The following ZFHX3 variants were observed in gnomAD, a reference collection of about 807,000 sequenced individuals.
The protein encoded by ZFHX3 is zinc finger homeobox 3.
ZFHX3 carries 42 observed loss-of-function variants against 279.1 expected under a neutral mutation model. That is an observed-to-expected ratio of 0.15 (90% CI 0.12 to 0.19). ZFHX3 has a LOEUF of 0.19. ZFHX3 is among the 10% of genes least tolerant of loss of function. The pLI, the probability that ZFHX3 is intolerant of heterozygous loss-of-function variation, is 1.00. For missense variants in ZFHX3, 4,981 were observed against 4,754.0 expected (o/e 1.05, Z -1.40); for synonymous variants, 2,293 against 1,957.8 (o/e 1.17, Z -4.52).
intron 1 of ZFHX3, among the ~76,000 whole-genome samples, chr16:73,011,771 G>C (rs1382841174): frequency 6.7e-6 from 1 of 149,524 alleles, no homozygotes; most frequent in East Asian, 2.0e-4. Flanking sequence ...TAAGCTTTAA[G>C]CTAACTCCCC....
intron 2 of ZFHX3, among the ~76,000 whole-genome samples, chr16:73,590,790 G>C (rs765714411): frequency 2.6e-5 from 4 of 152,110 alleles, no homozygotes; most frequent in African/African-American, 9.7e-5. Flanking sequence ...ACAATCACTA[G>C]TGAGCTAATG....
chr16:72,909,086 C>G (rs568015723), intron 3 of ZFHX3, among the ~76,000 whole-genome samples: 2 of 152,156 alleles, frequency 1.3e-5, no homozygotes, highest in Non-Finnish European at 2.9e-5. Flanking sequence ...CAAATTCTTA[C>G]GATCACAGAA....
intron 3 of ZFHX3, among the ~76,000 whole-genome samples, chr16:72,931,158 A>G (rs542393430): frequency 3.9e-5 from 6 of 152,232 alleles, no homozygotes; most frequent in Non-Finnish European, 7.4e-5. Flanking sequence ...TTCACCATTC[A>G]CATTACAAAG....
chr16:73,147,352 C>T (rs1411183950), intron 5 of ZFHX3, among the ~76,000 whole-genome samples: 1 of 151,996 alleles, frequency 6.6e-6, no homozygotes, highest in Non-Finnish European at 1.5e-5. Context: ...GCCTGAAGCC[C>T]GAGCAACGTA....
At chr16:73,855,287 G>A (rs1961699146) in intron 1 of ZFHX3, among the ~76,000 whole-genome samples, 1 of 149,150 alleles carries the variant, frequency 6.7e-6, no homozygotes, top group South Asian at 2.1e-4. Flanking sequence ...TGAAATTCAG[G>A]GCAATGAAGC....
intron 2 of ZFHX3, among the ~76,000 whole-genome samples, chr16:73,595,058 G>A (rs1414732830): frequency 6.6e-6 from 1 of 152,064 alleles, no homozygotes; most frequent in African/African-American, 2.4e-5. Flanking sequence ...GTTTTGTTAT[G>A]GGGTTGCTTG....
At position 73,689,926 on chromosome 16, in the gene ZFHX3, T is replaced by A. The variant is rs552782881; in HGVS notation, c.-1607-9686A>T. Among the ~76,000 whole-genome samples the A allele has an allele frequency of 5.9e-5, 9 of 151,838 alleles. No individual in the cohort carries two copies. In the South Asian group the frequency reaches 1.9e-3, roughly 32 times the overall value. On this transcript the variant is annotated intron_variant, in intron 1 of 17. Coordinates refer to the ZFHX3 transcript ENST00000641206. Reference sequence around the variant, plus strand: ...CCTCCGCCTCCCAGGTTCAAGCAACTCTCTTGCCTCAGCCTCCTGAGTAGC... The same window carrying A: ...CCTCCGCCTCCCAGGTTCAAGCAACACTCTTGCCTCAGCCTCCTGAGTAGC...
intron 3 of ZFHX3, among the ~76,000 whole-genome samples, chr16:73,450,627 C>A (rs1362220109): frequency 1.3e-5 from 2 of 152,170 alleles, no homozygotes; most frequent in African/African-American, 4.8e-5. Context: ...AAGAGCTAGC[C>A]TCTTGGAAAC....
chr16:73,622,081 C>A (rs894236378), intron 2 of ZFHX3, among the ~76,000 whole-genome samples: 4 of 152,326 alleles, frequency 2.6e-5, no homozygotes, highest in African/African-American at 9.6e-5. Flanking sequence ...TGACCCAAAA[C>A]TTCCTTCAAC....
At chr16:73,359,490 G>A (rs1013827025) in intron 3 of ZFHX3, among the ~76,000 whole-genome samples, 3 of 152,150 alleles carry the variant, frequency 2.0e-5, no homozygotes, top group South Asian at 4.1e-4. Flanking sequence ...CAGTATTTGC[G>A]AAAAGTGCTG....
chr16:73,384,282 G>C (rs548261917), intron 3 of ZFHX3, among the ~76,000 whole-genome samples: 3 of 152,358 alleles, frequency 2.0e-5, no homozygotes, highest in Admixed American at 1.3e-4. Flanking sequence ...AGGCCAGCTT[G>C]AGTAGTTACA....
At chr16:73,429,878 C>A (rs2017882190) in intron 3 of ZFHX3, among the ~76,000 whole-genome samples, 1 of 151,892 alleles carries the variant, frequency 6.6e-6, no homozygotes, top group Non-Finnish European at 1.5e-5. Context: ...TGATGAGAGC[C>A]TTCTCTTCCA....
chr16:72,991,795 C>T (rs1963105484), intron 1 of ZFHX3, among the ~76,000 whole-genome samples: 1 of 152,084 alleles, frequency 6.6e-6, no homozygotes, highest in South Asian at 2.1e-4. Context: ...GTTTCACCCA[C>T]GCAACACTGG....
chr16:73,167,554 AT>A (rs749900555), intron 5 of ZFHX3, among the ~76,000 whole-genome samples: 17 of 152,224 alleles, frequency 1.1e-4, no homozygotes, highest in African/African-American at 2.7e-4. Flanking sequence ...TAGAAAAAAA[AT>A]AATAATAATT....
chr16:73,716,856 C>T (rs974019663), intron 1 of ZFHX3, among the ~76,000 whole-genome samples: 2 of 152,038 alleles, frequency 1.3e-5, no homozygotes, highest in African/African-American at 4.8e-5. Flanking sequence ...CCGGCTCGCT[C>T]TCTGCATCAC....
At chr16:72,919,236 G>A (rs2039521977) in intron 3 of ZFHX3, among the ~76,000 whole-genome samples, 1 of 151,532 alleles carries the variant, frequency 6.6e-6, no homozygotes, top group Admixed American at 6.6e-5. Flanking sequence ...ACAGCTCACT[G>A]CAGCCTGGAA....
intron 1 of ZFHX3, among the ~76,000 whole-genome samples, chr16:73,747,605 C>T (rs1029625923): frequency 3.3e-5 from 5 of 152,124 alleles, no homozygotes; most frequent in African/African-American, 1.2e-4. Flanking sequence ...AACAGAAAAT[C>T]TCTATGTTGA....
intron 3 of ZFHX3, among the ~76,000 whole-genome samples, chr16:73,350,631 G>C (rs540294811): frequency 1.1e-4 from 16 of 152,272 alleles, no homozygotes; most frequent in African/African-American, 3.9e-4. Flanking sequence ...GGATTTCTCG[G>C]GCTTCTCATA....
chr16:73,379,328 A>G lies in ZFHX3; in HGVS notation c.-1290-60992T>C, dbSNP rs148943903. Among the ~76,000 whole-genome samples the G allele has an allele frequency of 1.2e-3, 177 of 152,114 alleles. 1 individual carries two copies. The highest frequency in any genetic ancestry group is 8.7e-3 in the East Asian group (45 of 5,156). On this transcript the variant is annotated intron_variant, in intron 3 of 17. Transcript: ENST00000641206. ...TACTTCTATTGACCCCCAAGCCCCAATCTCAGCACAGGCCCCAATCTATCA... is the reference window on the plus strand; with the variant it reads ...TACTTCTATTGACCCCCAAGCCCCAGTCTCAGCACAGGCCCCAATCTATCA...
Sources: gnomAD v4.1 joint callset for allele counts (sites outside exome capture counted in the v4.1 genomes callset) on GRCh38, gnomAD v4.1.1 for gene constraint, MANE v1.5 for transcripts, NCBI Gene and HGNC (gene_info 2026-07-23, HGNC 2026-07-21) for gene names.